SYT2: variants seen among roughly 807,000 people sequenced by gnomAD.
The protein encoded by SYT2 is synaptotagmin 2, also known as synaptotagmin-2.
A neutral mutation model predicts 39.9 loss-of-function variants in SYT2; 15 were observed. That is an observed-to-expected ratio of 0.38 (90% CI 0.25 to 0.58). The LOEUF is 0.58. SYT2 is among the 20% of genes least tolerant of loss of function. The pLI is 0.70. For synonymous variants in SYT2, 181 were observed against 204.5 expected (o/e 0.89, Z 0.98); for missense variants, 389 against 530.3 (o/e 0.73, Z 2.62).
intron 1 of SYT2, among the ~76,000 whole-genome samples, chr1:202,664,662 A>G (rs1369314383): frequency 6.6e-6 from 1 of 152,146 alleles, no homozygotes; most frequent in Non-Finnish European, 1.5e-5. Context: ...CCTTTTACTC[A>G]GCATAATTAT....
chr1:202,684,093 G>A (rs570119070), intron 1 of SYT2, among the ~76,000 whole-genome samples: 53 of 152,080 alleles, frequency 3.5e-4, no homozygotes, highest in Non-Finnish European at 5.1e-4. Flanking sequence ...GGTGTACAAT[G>A]TGACATTTTA....
intron 1 of SYT2, among the ~76,000 whole-genome samples, chr1:202,682,318 G>A (rs767722774): frequency 6.6e-6 from 1 of 152,102 alleles, no homozygotes; most frequent in Non-Finnish European, 1.5e-5. Flanking sequence ...GCTCAAACAC[G>A]CCCCCACAGT....
At chr1:202,709,844 C>A (rs1654349121) in intron 1 of SYT2, among the ~76,000 whole-genome samples, 2 of 152,180 alleles carry the variant, frequency 1.3e-5, no homozygotes, top group African/African-American at 4.8e-5. Flanking sequence ...GGCAAAAGAA[C>A]CTTCCTTGGA....
intron 1 of SYT2, chr1:202,639,927 C>G: frequency 1.4e-6 from 1 of 723,044 alleles, no homozygotes; most frequent in South Asian, 6.2e-5. Flanking sequence ...TAACATAGAA[C>G]CTCAAAAACC....
At chr1:202,650,435 C>CTTTTTTTTTTTT (rs68013997) in intron 1 of SYT2, among the ~76,000 whole-genome samples, 1 of 143,264 alleles carries the variant, frequency 7.0e-6, no homozygotes. Flanking sequence ...GTTTCATATG[C>CTTTTTTTTTTTT]TTTTGTTTTT....
chr1:202,632,390 G>C (rs1691618618), intron 1 of SYT2: 2 of 215,874 alleles, frequency 9.3e-6, no homozygotes, highest in Admixed American at 6.5e-5. Context: ...CGCAGATATT[G>C]GGGGATGGGG....
chr1:202,654,366 C>T (rs1692243781), intron 1 of SYT2, among the ~76,000 whole-genome samples: 1 of 152,210 alleles, frequency 6.6e-6, no homozygotes, highest in South Asian at 2.1e-4. Context: ...GTGATAGCTG[C>T]TTCCACTTGC....
chr1:202,625,746 G>C (rs542021217), intron 1 of SYT2, among the ~76,000 whole-genome samples: 3 of 152,102 alleles, frequency 2.0e-5, no homozygotes, highest in African/African-American at 4.8e-5. Context: ...GAAAGGAGGA[G>C]GTGGGCAACC....
intron 1 of SYT2, among the ~76,000 whole-genome samples, chr1:202,651,639 T>C (rs1692195897): frequency 1.3e-5 from 2 of 152,196 alleles, no homozygotes; most frequent in South Asian, 4.1e-4. Context: ...TATCTATCAA[T>C]AGTTATTACC....
Position 202,650,283 on chromosome 1 carries a change from G to A in SYT2, c.-17-44494C>T, listed in dbSNP as rs149470301. ...GTGAGCCGGGGTGTCCAGCCTGCCT[G>A]AGAGGACCCCAGAAAGGGTCATGTG... On this transcript the variant is annotated intron_variant, in intron 1 of 8. Coordinates refer to ENST00000367268, the MANE Select transcript of SYT2 (RefSeq NM_177402.5). Among the ~76,000 whole-genome samples, 461 of 152,290 alleles carry A rather than the reference G, an allele frequency of 3.0e-3. 1 individual carries two copies. Among genetic ancestry groups the A allele is most frequent in the African/African-American group, 0.01 (419 of 41,560 alleles).
intron 3 of SYT2, among the ~76,000 whole-genome samples, chr1:202,604,068 G>T (rs112802257): frequency 2.0e-5 from 3 of 152,232 alleles, no homozygotes; most frequent in African/African-American, 7.2e-5. Context: ...TTTGATTCCC[G>T]CCCCATGCCC....
At chr1:202,624,446 GTA>G (rs1226267512) in intron 1 of SYT2, among the ~76,000 whole-genome samples, 1 of 151,718 alleles carries the variant, frequency 6.6e-6, no homozygotes, top group Non-Finnish European at 1.5e-5. Flanking sequence ...TGTAATACGT[GTA>G]TGTGTTGTGG....
chr1:202,676,530 A>G (rs1379780442), intron 1 of SYT2, among the ~76,000 whole-genome samples: 1 of 152,218 alleles, frequency 6.6e-6, no homozygotes, highest in African/African-American at 2.4e-5. Flanking sequence ...TGCTTAAACA[A>G]TTGGCATGAA....
intron 1 of SYT2, among the ~76,000 whole-genome samples, chr1:202,617,564 T>G (rs1476940098): frequency 1.1e-4 from 17 of 152,172 alleles, no homozygotes; most frequent in Non-Finnish European, 2.9e-5. Flanking sequence ...TGCCCAGTCT[T>G]AGGTTTTTCT....
chr1:202,653,395 G>A (rs537171999), intron 1 of SYT2, among the ~76,000 whole-genome samples: 1 of 152,104 alleles, frequency 6.6e-6, no homozygotes, highest in Non-Finnish European at 1.5e-5. Flanking sequence ...ATGTCACTAC[G>A]CACTGGCTGG....
chr1:202,618,400 AGTGTGTGTGTGTGTGTGT>A (rs57621822), intron 1 of SYT2, among the ~76,000 whole-genome samples: 4 of 148,872 alleles, frequency 2.7e-5, no homozygotes, highest in Admixed American at 2.7e-4. Context: ...GTCTGGTGTG[AGTGTGTGTGTGTGTGTGT>A]GTGTGTGTGT....
chr1:202,649,093 C>A (rs1004821770), intron 1 of SYT2, among the ~76,000 whole-genome samples: 5 of 152,226 alleles, frequency 3.3e-5, no homozygotes, highest in Non-Finnish European at 7.3e-5. Context: ...GCTAAGGCTG[C>A]AGAAGATTGA....
intron 1 of SYT2, chr1:202,643,543 ACAGCG>A (rs1312527414): frequency 1.3e-5 from 2 of 152,060 alleles, no homozygotes; most frequent in African/African-American, 2.4e-5. Context: ...TCGCCTGCAC[ACAGCG>A]CGTGCGGCCC....
chr1:202,623,671 C>T lies in SYT2; in HGVS notation c.-17-17882G>A, dbSNP rs1007973632. 6.6e-6 allele frequency among the ~76,000 whole-genome samples: 1 copy of T among 152,180 alleles called. No individual in the cohort carries two copies. Among genetic ancestry groups the T allele is most frequent in the African/African-American group, 2.4e-5 (1 of 41,436 alleles). On this transcript the variant is annotated intron_variant, in intron 1 of 8. Coordinates refer to ENST00000367268, the MANE Select transcript of SYT2 (RefSeq NM_177402.5). This position sits in a 1 kb window ranked among gnomAD's most constrained non-coding sequence, Gnocchi z 4.2. ...GGAAAGTGTGTAGGGGGGGTGCACC[C>T]GTGGGCCCCAGGAGGTCTGTTGTGC...
Sources: gnomAD v4.1 joint callset for allele counts (sites outside exome capture counted in the v4.1 genomes callset) on GRCh38, gnomAD v4.1.1 for gene constraint, Gnocchi (gnomAD v3.1) non-coding constraint, MANE v1.5 for transcripts, NCBI Gene and HGNC (gene_info 2026-07-23, HGNC 2026-07-21) for gene names.